USP31: variants seen among roughly 807,000 people sequenced by gnomAD.
USP31 encodes the protein ubiquitin carboxyl-terminal hydrolase 31.
A neutral mutation model predicts 119.4 loss-of-function variants in USP31; 44 were observed. The ratio of observed to expected loss-of-function variants is 0.37; its 90% CI spans 0.29 to 0.47. The LOEUF (loss-of-function observed/expected upper bound fraction) is 0.47. Among genes scored for constraint, USP31 ranks in the 20% least tolerant of loss-of-function variants. USP31 has a pLI of 0.99. For missense variants in USP31, 1,643 were observed against 1,730.2 expected, an observed-to-expected ratio of 0.95 and a Z score of 0.89; for synonymous variants, 749 against 705.6, an observed-to-expected ratio of 1.06 and a Z score of -0.97.
At chr16:23,109,297 T>C (rs1274958231) in intron 1 of USP31, among the ~76,000 whole-genome samples, 1 of 152,114 alleles carries the variant, frequency 6.6e-6, no homozygotes, top group African/African-American at 2.4e-5. Context: ...CTTGGAGAAA[T>C]GGCCCTTTCG....
rs1596726862 is a variant in USP31 at position 23,122,237 on chromosome 16, T to G, written c.634-14054A>C. ...AACCCAGACACAAAAGAATATATAC[T>G]TATTGCAAACCAAAACCACAATGAG... On this transcript the variant is annotated intron_variant, in intron 1 of 15. Coordinates refer to ENST00000219689, the MANE Select transcript of USP31 (RefSeq NM_020718.4). 3.3e-5 allele frequency among the ~76,000 whole-genome samples: 5 copies of G among 152,322 alleles called. No homozygotes were observed. In the East Asian group the frequency reaches 9.6e-4, roughly 29 times the overall value.
In USP31 at chr16:23,068,178, G is replaced by A. The variant is rs139859642; in HGVS notation, c.3927C>T (p.Arg1309=). 2.3e-5 allele frequency: 37 copies of A among 1,614,210 alleles called. No individual in the cohort carries two copies. The African/African-American group carries it at 4.7e-4, about 20-fold the overall frequency. The change falls in exon 16 of 16, where the codon CGC becomes CGT. Residue 1309 remains arginine (R), a synonymous_variant. Coordinates refer to ENST00000219689, the MANE Select transcript of USP31 (RefSeq NM_020718.4). ...ASAKHSLLSA[R]KSKSSQLDSG... The stretch of plus-strand genomic sequence containing the variant: ...AGTCTAGTTGGGAAGACTTGGATTT[G>A]CGAGCGGACAGCAGGGAATGTTTGG...
chr16:23,121,990 T>C (rs924804417), intron 1 of USP31, among the ~76,000 whole-genome samples: 1 of 152,228 alleles, frequency 6.6e-6, no homozygotes, highest in Non-Finnish European at 1.5e-5. Context: ...GAGAAGTCTT[T>C]ATGACGAAAA....
intron 13 of USP31, among the ~76,000 whole-genome samples, chr16:23,074,850 T>G (rs1900493890): frequency 6.6e-6 from 1 of 152,230 alleles, no homozygotes; most frequent in African/African-American, 2.4e-5. Flanking sequence ...GTTATAAGCT[T>G]GATCCAGAAA....
At chr16:23,131,356 G>T (rs1002316039) in intron 1 of USP31, among the ~76,000 whole-genome samples, 1 of 152,178 alleles carries the variant, frequency 6.6e-6, no homozygotes, top group African/African-American at 2.4e-5. Flanking sequence ...ACAGGATCTT[G>T]TTATGCTGCC....
chr16:23,135,325 T>C (rs1403627581), intron 1 of USP31, among the ~76,000 whole-genome samples: 10 of 151,894 alleles, frequency 6.6e-5, no homozygotes, highest in Non-Finnish European at 1.2e-4. Flanking sequence ...CAACATAGTA[T>C]GAAAAGTTCT....
chr16:23,084,993 C>T lies in USP31; in HGVS notation c.1701-4G>A. On this transcript the variant is annotated splice_polypyrimidine_tract_variant and splice_region_variant and intron_variant, in intron 10 of 15. Coordinates refer to ENST00000219689, the MANE Select transcript of USP31 (RefSeq NM_020718.4). ...ATCCTCAGTATTTACAAATAAGCTG[C>T]AATTAGGGGGAAAAGCATCTATCAG... 4 of 1,612,788 alleles carry T rather than the reference C, an allele frequency of 2.5e-6. No individual in the cohort carries two copies. The highest frequency in any genetic ancestry group is 3.4e-6 in the Non-Finnish European group (4 of 1,179,566).
intron 1 of USP31, among the ~76,000 whole-genome samples, chr16:23,110,137 C>T (rs777258247): frequency 2.6e-5 from 4 of 152,110 alleles, no homozygotes; most frequent in Non-Finnish European, 4.4e-5. Flanking sequence ...AGTTGGGCTT[C>T]GTGGAAACTC....
At position 23,069,562 on chromosome 16, in the gene USP31, G is replaced by C. The variant is rs769325170; in HGVS notation, c.2543C>G (p.Ser848Cys). 2 of 1,613,872 alleles carry C rather than the reference G, an allele frequency of 1.2e-6. No individual in the cohort carries two copies. The highest frequency in any genetic ancestry group is 2.2e-5 in the South Asian group (2 of 91,046). ...CAAGGGGCTGGTGACAGAAGATCTG[G>C]ATGACAAACTCTGACGCTGGACACT... is the stretch of plus-strand genomic sequence containing the variant. The part of the protein sequence containing the change: ...VRSVQRQSLS[S>C]RSSVTSPLAV... Residue 848 changes from serine (S) to cysteine (C), a missense_variant, in exon 16 of 16, where the codon TCC becomes TGC. Around this residue, in one of 5 missense-constraint regions of USP31, gnomAD observed 699 missense variants for 650.9 expected, o/e 1.07. Coordinates refer to ENST00000219689, the MANE Select transcript of USP31 (RefSeq NM_020718.4).
intron 14 of USP31, among the ~76,000 whole-genome samples, chr16:23,072,835 C>G (rs1235888994): frequency 2.6e-5 from 4 of 152,046 alleles, no homozygotes; most frequent in Non-Finnish European, 5.9e-5. Flanking sequence ...ACATCTGAGA[C>G]TGGTGGAAGA....
chr16:23,066,556 A>G lies in USP31; in HGVS notation c.*1490T>C, dbSNP rs1900080844. On this transcript the variant is annotated 3_prime_UTR_variant, in exon 16 of 16. Coordinates refer to ENST00000219689, the MANE Select transcript of USP31 (RefSeq NM_020718.4). ...AAGAAGAACTTGAAGAGTCTGACGA[A>G]AAACGCTAATATTTAAAAGCACATA... The G allele has an allele frequency of 6.6e-6, 1 of 152,194 alleles. No individual in the cohort carries two copies. The highest frequency in any genetic ancestry group is 1.5e-5 in the Non-Finnish European group (1 of 68,034). 9.4% of individuals were successfully genotyped at this position (152,194 alleles called of 1,614,324 possible).
intron 11 of USP31, among the ~76,000 whole-genome samples, chr16:23,083,108 G>A (rs980843907): frequency 6.6e-6 from 1 of 152,122 alleles, no homozygotes; most frequent in East Asian, 1.9e-4. Flanking sequence ...GGGATTACAA[G>A]CGTGAGCCAC....
Position 23,105,600 on chromosome 16 carries a change from T to C in USP31, c.954-24A>G, listed in dbSNP as rs767378793. On this transcript the variant is annotated intron_variant, in intron 4 of 15. Transcript: ENST00000219689. ...GCCTGTACAGATCAAAGTCAGATCT[T>C]CTCATTAGTCACTTATTTCAACTAA... 2.6e-5 allele frequency: 39 copies of C among 1,514,850 alleles called. No homozygotes were observed. In the South Asian group the frequency reaches 4.8e-4, roughly 19 times the overall value. 93.8% of individuals were successfully genotyped at this position (1,514,850 alleles called of 1,614,324 possible).
At position 23,068,808 on chromosome 16, in the gene USP31, T is replaced by C. The variant is rs781332805; in HGVS notation, c.3297A>G (p.Ser1099=). 1.7e-5 allele frequency: 27 copies of C among 1,556,954 alleles called. No individual in the cohort carries two copies. The South Asian group carries it at 3.0e-4, about 17-fold the overall frequency. Residue 1099 remains serine, a synonymous_variant, in exon 16 of 16, where the codon TCA becomes TCG. Transcript: ENST00000219689. The part of the protein sequence containing the change: ...SPAPAQPKKE[S]SPKSQDSVSS... ...ACACGGAGTCCTGAGATTTCGGGGA[T>C]GACTCCTTTTTGGGTTGGGCAGGGG...
At chr16:23,110,155 C>T (rs1902259990) in intron 1 of USP31, among the ~76,000 whole-genome samples, 1 of 152,168 alleles carries the variant, frequency 6.6e-6, no homozygotes, top group Non-Finnish European at 1.5e-5. Flanking sequence ...CTCTATGCTA[C>T]CTTTGCCACT....
chr16:23,109,246 C>T (rs1902226607), intron 1 of USP31, among the ~76,000 whole-genome samples: 2 of 152,174 alleles, frequency 1.3e-5, no homozygotes, highest in Non-Finnish European at 2.9e-5. Flanking sequence ...GTGCCCATAT[C>T]TTGGTTTCTA....
intron 6 of USP31, among the ~76,000 whole-genome samples, chr16:23,101,969 TTAAAAAAA>T (rs1901887235): frequency 8.7e-6 from 1 of 115,164 alleles, no homozygotes; most frequent in African/African-American, 3.0e-5. Context: ...ATAGCAAAAT[TTAAAAAAA>T]AAAAAAAAAA....
chr16:23,069,232 A>G lies in USP31; in HGVS notation c.2873T>C (p.Leu958Ser). The change falls in exon 16 of 16, where the codon TTG becomes TCG. Residue 958 changes from leucine (L) to serine (S), a missense_variant. Coordinates refer to ENST00000219689, the MANE Select transcript of USP31 (RefSeq NM_020718.4). The part of the protein sequence containing the change: ...VFKDESDTRR[L>S]NSSVVDTQSK... ...CTGTGTATCTACGACACTGGAGTTC[A>G]ATCTGCGGGTGTCCGATTCGTCTTT... is the stretch of plus-strand genomic sequence containing the variant. 6.2e-7 allele frequency: 1 copy of G among 1,614,212 alleles called. No individual in the cohort carries two copies. The highest frequency in any genetic ancestry group is 1.6e-4 in the Middle Eastern group (1 of 6,062).
rs764157365 is a variant in USP31 at position 23,068,994 on chromosome 16, T to C, written c.3111A>G (p.Lys1037=). Residue 1037 remains lysine (K), a synonymous_variant, in exon 16 of 16, where the codon AAA becomes AAG. Coordinates refer to ENST00000219689, the MANE Select transcript of USP31 (RefSeq NM_020718.4). ...AGGCTGGTCTCCCCTTCCGCAAGCT[T>C]TTCTCTGGCTCAGAAGTGCCTTTGG... ...PSSKGTSEPE[K]SLRKGRPALA... The C allele has an allele frequency of 4.5e-5, 73 of 1,613,908 alleles. No homozygotes were observed. Among genetic ancestry groups the C allele is most frequent in the Non-Finnish European group, 2.5e-5 (29 of 1,180,026 alleles).
Sources: allele counts gnomAD v4.1 joint callset (sites outside exome capture counted in the v4.1 genomes callset), GRCh38; gene constraint gnomAD v4.1.1; regional missense constraint gnomAD v4.1.1; transcripts MANE v1.5; gene names NCBI Gene and HGNC (gene_info 2026-07-23, HGNC 2026-07-21).